The following IP6K1 variants were observed in gnomAD, a reference collection of about 807,000 sequenced individuals.
IP6K1 encodes ATP:1D-myo-inositol-hexakisphosphate phosphotransferase.
IP6K1 carries 13 observed loss-of-function variants against 38.3 expected under a neutral mutation model. That is an observed-to-expected ratio of 0.34 (90% confidence interval 0.22 to 0.54). IP6K1 has a LOEUF of 0.54. Ranked by LOEUF, IP6K1 falls within the 20% of genes least tolerant of loss-of-function variation. The pLI is 0.92. For missense variants in IP6K1, 397 were observed against 599.8 expected (o/e 0.66, Z 3.53); for synonymous variants, 212 against 229.9 (o/e 0.92, Z 0.70).
chr3:49,777,360 G>A (rs2081025547), intron 1 of IP6K1, among the ~76,000 whole-genome samples: 1 of 151,788 alleles, frequency 6.6e-6, no homozygotes, highest in Non-Finnish European at 1.5e-5. Flanking sequence ...TCAAGAGATC[G>A]AAACCATCCT....
chr3:49,778,792 A>AT (rs1428473270), intron 1 of IP6K1, among the ~76,000 whole-genome samples: 1 of 151,900 alleles, frequency 6.6e-6, no homozygotes, highest in African/African-American at 2.4e-5. Flanking sequence ...CGCCTGGCTA[A>AT]TTTTTTTATT....
chr3:49,736,192 A>T (rs972181317), intron 3 of IP6K1, among the ~76,000 whole-genome samples: 3 of 152,248 alleles, frequency 2.0e-5, no homozygotes, highest in Non-Finnish European at 2.9e-5. Context: ...CTGGGATTAC[A>T]GGCGTGAGAC....
chr3:49,743,914 C>T (rs906774356), intron 2 of IP6K1, among the ~76,000 whole-genome samples: 2 of 151,764 alleles, frequency 1.3e-5, no homozygotes, highest in African/African-American at 4.8e-5. Context: ...GCCACCATGC[C>T]CGGCGGAGCC....
intron 4 of IP6K1, among the ~76,000 whole-genome samples, chr3:49,731,887 CAAAA>C (rs71080545): frequency 4.6e-5 from 3 of 65,330 alleles, no homozygotes; most frequent in African/African-American, 1.0e-4. Context: ...GACTCTGTCT[CAAAA>C]AAAAAAAAAA....
intron 1 of IP6K1, among the ~76,000 whole-genome samples, chr3:49,779,371 T>C (rs1322924701): frequency 2.0e-5 from 3 of 152,240 alleles, no homozygotes; most frequent in Non-Finnish European, 2.9e-5. Flanking sequence ...TGTCAGTTGA[T>C]GGACATTTGG....
At chr3:49,777,768 A>G (rs1057482617) in intron 1 of IP6K1, among the ~76,000 whole-genome samples, 2 of 149,244 alleles carry the variant, frequency 1.3e-5, no homozygotes, top group Non-Finnish European at 3.0e-5. Context: ...CAAAAAAATT[A>G]GCCGGGCGTG....
intron 2 of IP6K1, among the ~76,000 whole-genome samples, chr3:49,740,017 A>G (rs948989658): frequency 6.6e-6 from 1 of 152,016 alleles, no homozygotes; most frequent in African/African-American, 2.4e-5. Context: ...TAAAATAAAA[A>G]TAAAATAAAA....
At chr3:49,786,119 T>C (rs2081110882) in intron 1 of IP6K1, 2 of 152,304 alleles carry the variant, frequency 1.3e-5, no homozygotes, top group African/African-American at 2.4e-5. Flanking sequence ...TTCCCGCTAC[T>C]AGCCGGCCAA....
intron 4 of IP6K1, among the ~76,000 whole-genome samples, chr3:49,732,039 CA>C (rs775156524): frequency 6.6e-6 from 1 of 152,050 alleles, no homozygotes; most frequent in Non-Finnish European, 1.5e-5. Flanking sequence ...TGGGCTCAAG[CA>C]ATCCTCCCAC....
intron 4 of IP6K1, among the ~76,000 whole-genome samples, chr3:49,732,391 A>G (rs1013525902): frequency 1.3e-5 from 2 of 152,250 alleles, no homozygotes; most frequent in African/African-American, 2.4e-5. Context: ...GATTGTGGAC[A>G]TGATCAATAT....
intron 1 of IP6K1, among the ~76,000 whole-genome samples, chr3:49,762,453 G>C (rs1256551053): frequency 1.3e-5 from 2 of 152,104 alleles, no homozygotes; most frequent in African/African-American, 4.8e-5. Context: ...GGGAGGTTGA[G>C]GCAGAAGAAT....
At chr3:49,735,644 C>A (rs2080602926) in intron 3 of IP6K1, among the ~76,000 whole-genome samples, 1 of 152,130 alleles carries the variant, frequency 6.6e-6, no homozygotes, top group South Asian at 2.1e-4. Flanking sequence ...GCAGACTGGC[C>A]AAAGAGGATC....
intron 3 of IP6K1, among the ~76,000 whole-genome samples, chr3:49,736,469 C>T (rs1182599935): frequency 3.9e-5 from 6 of 152,094 alleles, no homozygotes; most frequent in Non-Finnish European, 8.8e-5. Context: ...TGGCATTGTA[C>T]ATATGTGGTC....
intron 1 of IP6K1, among the ~76,000 whole-genome samples, chr3:49,781,970 G>A (rs2081069584): frequency 6.6e-6 from 1 of 151,924 alleles, no homozygotes; most frequent in Admixed American, 6.6e-5. Context: ...GTGCCCACCT[G>A]TAGTTCCAGC....
intron 1 of IP6K1, among the ~76,000 whole-genome samples, chr3:49,764,223 GA>G (rs923632951): frequency 1.7e-4 from 24 of 145,126 alleles, no homozygotes; most frequent in African/African-American, 4.8e-4. Context: ...TTCTACAAAA[GA>G]AAAAAAAAAT....
At chr3:49,767,068 C>A (rs1225742487) in intron 1 of IP6K1, among the ~76,000 whole-genome samples, 3 of 151,404 alleles carry the variant, frequency 2.0e-5, no homozygotes, top group African/African-American at 7.3e-5. Flanking sequence ...TTGAGACCAG[C>A]CTGGGCAACT....
rs34672159 is a variant in IP6K1 at position 49,781,065 on chromosome 3, A to ATT, written c.-129+5287_-129+5288dup. 6.1e-5 allele frequency among the ~76,000 whole-genome samples: 9 copies of ATT among 146,836 alleles called. 1 individual carries two copies. The highest frequency in any genetic ancestry group is 1.2e-4 in the Non-Finnish European group (8 of 66,738). On this transcript the variant is annotated intron_variant, in intron 1 of 5. Coordinates refer to ENST00000321599, the MANE Select transcript of IP6K1 (RefSeq NM_153273.4). ...GGCCCTACCAGAGGAAACAAAAAAG[A>ATT]TTTTTTTTTTTTTGAGACAGAGTTT...
intron 1 of IP6K1, among the ~76,000 whole-genome samples, chr3:49,770,152 T>G (rs1399309686): frequency 6.6e-6 from 1 of 152,182 alleles, no homozygotes; most frequent in Admixed American, 6.6e-5. Context: ...TAAGCTGTGA[T>G]CACCACTTCA....
intron 1 of IP6K1, among the ~76,000 whole-genome samples, chr3:49,764,833 C>T (rs1280059613): frequency 1.3e-5 from 2 of 149,964 alleles, no homozygotes; most frequent in Non-Finnish European, 3.0e-5. Context: ...GAGCAACCTG[C>T]ACCACTGCAC....
Sources: allele counts gnomAD v4.1 joint callset (sites outside exome capture counted in the v4.1 genomes callset), GRCh38; gene constraint gnomAD v4.1.1; transcripts MANE v1.5; gene names NCBI Gene and HGNC (gene_info 2026-07-23, HGNC 2026-07-21).